BTAF1: variants seen among roughly 807,000 people sequenced by gnomAD.
BTAF1 encodes the protein B-TFIID TATA-box binding protein associated factor 1.
Under a neutral mutation model 227.1 loss-of-function variants are expected in BTAF1, and 38 were observed. That is an observed-to-expected ratio of 0.17 (90% CI 0.13 to 0.22). The LOEUF is 0.22. BTAF1 is among the 10% of genes least tolerant of loss of function. The probability of loss-of-function intolerance (pLI) is 1.00; values close to 1 mark genes in which losing one functional copy is unlikely to be tolerated. For missense variants in BTAF1, 1,598 were observed against 2,204.0 expected (o/e 0.73, Z 5.51); for synonymous variants, 742 against 751.9 (o/e 0.99, Z 0.21).
intron 14 of BTAF1, among the ~76,000 whole-genome samples, chr10:91,976,734 G>A (rs557551834): frequency 6.6e-6 from 1 of 152,118 alleles, no homozygotes; most frequent in Non-Finnish European, 1.5e-5. Flanking sequence ...TATTCCTTAC[G>A]ATACGAATTT....
intron 14 of BTAF1, among the ~76,000 whole-genome samples, chr10:91,976,347 G>A (rs1187405500): frequency 6.6e-6 from 1 of 152,142 alleles, no homozygotes; most frequent in African/African-American, 2.4e-5. Flanking sequence ...ACTCTATTAT[G>A]TAGTCATGAT....
chr10:91,964,352 C>CA, intron 13 of BTAF1, 151 bp downstream of exon 13: 1 of 844,728 alleles, frequency 1.2e-6, no homozygotes. Flanking sequence ...AAGGCCTTGT[C>CA]TTTTTTACTC....
Position 91,946,920 on chromosome 10 carries a change from A to G in BTAF1, c.400+4352A>G, listed in dbSNP as rs536010176. On this transcript the variant is annotated intron_variant, in intron 4 of 37. Transcript: ENST00000265990. ...AGTGGTGTGATCTCTGCTCACTGCAACCTCCACCTCCTGAGTTCAAATGAT... is the reference window on the plus strand; with the variant it reads ...AGTGGTGTGATCTCTGCTCACTGCAGCCTCCACCTCCTGAGTTCAAATGAT... 2.0e-4 allele frequency among the ~76,000 whole-genome samples: 30 copies of G among 151,300 alleles called. No homozygotes were observed. In the South Asian group the frequency reaches 3.8e-3, roughly 19 times the overall value.
At chr10:91,948,820 A>G (rs144336132) in intron 4 of BTAF1, among the ~76,000 whole-genome samples, 1 of 152,050 alleles carries the variant, frequency 6.6e-6, no homozygotes. Context: ...CATGTTGCCC[A>G]GGCTGGTCTT....
intron 14 of BTAF1, among the ~76,000 whole-genome samples, chr10:91,970,829 A>C (rs974089561): frequency 6.6e-6 from 1 of 152,254 alleles, no homozygotes; most frequent in Non-Finnish European, 1.5e-5. Flanking sequence ...CAGCAGCATT[A>C]AAAGACAAAC....
At chr10:91,976,517 C>T (rs1251252443) in intron 14 of BTAF1, among the ~76,000 whole-genome samples, 1 of 152,104 alleles carries the variant, frequency 6.6e-6, no homozygotes, top group Non-Finnish European at 1.5e-5. Context: ...CTTGGGGCCT[C>T]CCAAGAGTCA....
At position 91,989,489 on chromosome 10, in the gene BTAF1, A is replaced by G; in HGVS notation, c.2763A>G (p.Lys921=). The change falls in exon 20 of 38, where the codon AAA becomes AAG. Residue 921 remains lysine, a synonymous_variant. Transcript: ENST00000265990. ...CCTGTCCCAATTCAAAAATTATTAA[A>G]AACCTCTGTAGCTCACTTTGTGTGG... ...RTPCPNSKII[K]NLCSSLCVDP... The G allele has an allele frequency of 6.2e-7, 1 of 1,613,892 alleles. No homozygotes were observed. Among genetic ancestry groups the G allele is most frequent in the Non-Finnish European group, 8.5e-7 (1 of 1,180,026 alleles).
chr10:92,009,230 C>A (rs1383488580), intron 28 of BTAF1, 22 bp downstream of exon 28: 2 of 1,597,112 alleles, frequency 1.3e-6, no homozygotes, highest in Non-Finnish European at 1.7e-6. Context: ...ATGACAATAA[C>A]AAAATATTTC....
chr10:91,995,024 G>C (rs910315275), intron 23 of BTAF1, among the ~76,000 whole-genome samples: 1 of 152,144 alleles, frequency 6.6e-6, no homozygotes, highest in Admixed American at 6.5e-5. Flanking sequence ...TAAGTACAAA[G>C]GTGAAAGGAG....
intron 4 of BTAF1, among the ~76,000 whole-genome samples, chr10:91,947,187 T>A (rs1018687640): frequency 6.6e-6 from 1 of 152,210 alleles, no homozygotes; most frequent in African/African-American, 2.4e-5. Context: ...ATCTTTTCAT[T>A]TCCTCTGTGG....
chr10:92,024,665 C>T, intron 34 of BTAF1, 91 bp from the exon 35 acceptor site: 2 of 1,116,248 alleles, frequency 1.8e-6, no homozygotes, highest in Non-Finnish European at 2.5e-6. Flanking sequence ...TACATTTAAC[C>T]TTTTCTTGCC....
chr10:91,928,201 A>G (rs940101453), intron 1 of BTAF1, among the ~76,000 whole-genome samples: 1 of 152,128 alleles, frequency 6.6e-6, no homozygotes, highest in African/African-American at 2.4e-5. Flanking sequence ...TATGTGGTCA[A>G]ATTTTTTAGA....
At chr10:91,974,860 A>T (rs1316193525) in intron 14 of BTAF1, among the ~76,000 whole-genome samples, 4 of 152,208 alleles carry the variant, frequency 2.6e-5, no homozygotes, top group Non-Finnish European at 5.9e-5. Context: ...TCTCAAAAAC[A>T]AAAAACAACT....
intron 23 of BTAF1, 34 bp downstream of exon 23, chr10:91,994,678 A>C (rs544301053): frequency 2.0e-6 from 3 of 1,537,642 alleles, no homozygotes; most frequent in Non-Finnish European, 2.7e-6. Context: ...TATTTCTTCA[A>C]ATAAAACAAG....
chr10:91,936,942 A>G (rs10882001), intron 2 of BTAF1, among the ~76,000 whole-genome samples: 41,469 of 151,846 alleles, frequency 0.27, 6,934 homozygotes, highest in Non-Finnish European at 0.38. Flanking sequence ...GTTTGCCTTT[A>G]GCACTGTCTC....
intron 2 of BTAF1, among the ~76,000 whole-genome samples, chr10:91,937,846 A>G (rs571545642): frequency 6.6e-6 from 1 of 152,168 alleles, no homozygotes; most frequent in Non-Finnish European, 1.5e-5. Context: ...TTTATGAGGA[A>G]CTGCCAAACT....
chr10:91,960,672 G>A (rs1452485674), intron 11 of BTAF1, among the ~76,000 whole-genome samples: 1 of 151,166 alleles, frequency 6.6e-6, no homozygotes, highest in African/African-American at 2.4e-5. Flanking sequence ...AGGGAAATAA[G>A]TTCTGAAAAA....
At chr10:91,933,538 G>C (rs992770517) in intron 1 of BTAF1, among the ~76,000 whole-genome samples, 1 of 152,154 alleles carries the variant, frequency 6.6e-6, no homozygotes, top group Admixed American at 6.5e-5. Context: ...GGAGAACAGG[G>C]TAATATAATG....
chr10:91,948,748 C>G (rs556873845), intron 4 of BTAF1, among the ~76,000 whole-genome samples: 3 of 148,674 alleles, frequency 2.0e-5, no homozygotes, highest in African/African-American at 7.4e-5. Context: ...TTATTTAATT[C>G]ACCTTTTTAA....
Sources: gnomAD v4.1 joint callset for allele counts (sites outside exome capture counted in the v4.1 genomes callset) on GRCh38, gnomAD v4.1.1 for gene constraint, MANE v1.5 for transcripts, NCBI Gene and HGNC (gene_info 2026-07-23, HGNC 2026-07-21) for gene names.